Variants in GATD1 observed in about 807,000 individuals in gnomAD.
The protein encoded by GATD1 is glutamine amidotransferase-like class 1 domain-containing protein 1.
GATD1 carries 23 observed loss-of-function variants against 25.9 expected under a neutral mutation model. That is an observed-to-expected ratio of 0.89 (90% CI 0.64 to 1.26). The LOEUF is 1.26. Among genes scored for constraint, GATD1 ranks in the 50% most tolerant of loss-of-function variants. The pLI is 0.00. For synonymous variants in GATD1, 177 were observed against 134.6 expected (o/e 1.31, Z -2.18); for missense variants, 347 against 312.5 (o/e 1.11, Z -0.83).
chr11:771,067 G>A lies in GATD1; in HGVS notation c.582C>T (p.Arg194=), dbSNP rs1463828005. 1.2e-6 allele frequency: 2 copies of A among 1,611,154 alleles called. No homozygotes were observed. Among genetic ancestry groups the A allele is most frequent in the African/African-American group, 2.7e-5 (2 of 75,038 alleles). Reference sequence around the variant, plus strand: ...TGGCATTCTGGCCTGTGACCAGGTGGCGGTCCAGCACGACGTGGACAGCGT... The same window carrying A: ...TGGCATTCTGGCCTGTGACCAGGTGACGGTCCAGCACGACGTGGACAGCGT... ...EPDAVHVVLD[R]HLVTGQNASS... is the part of the protein sequence containing the mutation. The change falls in exon 7 of 8, where the codon CGC becomes CGT. Residue 194 remains arginine (R), a synonymous_variant. Transcript: ENST00000319863.
At chr11:774,516 A>G (rs1279381534) in intron 2 of GATD1, among the ~76,000 whole-genome samples, 1 of 152,232 alleles carries the variant, frequency 6.6e-6, no homozygotes, top group Non-Finnish European at 1.5e-5. Flanking sequence ...ACACGTGCAG[A>G]AGCACAGACC....
At position 769,328 on chromosome 11, in the gene GATD1, TTTTTTA is replaced by T. The variant is rs548178964; in HGVS notation, c.*1563_*1568del. ...CTTATTGAACGGCTTTATTTTATTA[TTTTTTA>T]TTTTTGAGACGGAGTTTCACTCATT... On this transcript the variant is annotated 3_prime_UTR_variant, in exon 8 of 8. Coordinates refer to ENST00000319863, the MANE Select transcript of GATD1 (RefSeq NM_182612.4). 708 of 979,240 alleles carry T rather than the reference TTTTTTA, an allele frequency of 7.2e-4. 4 individuals carry two copies. The African/African-American group carries it at 9.7e-3, about 13-fold the overall frequency. 60.7% of individuals were successfully genotyped at this position (979,240 alleles called of 1,614,324 possible). A position where few individuals can be genotyped will look rare whatever the true frequency, so the allele number is the denominator to read the frequency against.
rs1243837622 is a variant in GATD1 at position 768,039 on chromosome 11, C to CG, written c.*2857dup. Reference sequence around the variant, plus strand: ...CTAATTTCTGTATTTTTAGTAGAGACGGGGTTTCACCATCTTGGCCAGGCT... The same window carrying CG: ...CTAATTTCTGTATTTTTAGTAGAGACGGGGGTTTCACCATCTTGGCCAGGCT... On this transcript the variant is annotated 3_prime_UTR_variant, in exon 8 of 8. Coordinates refer to ENST00000319863, the MANE Select transcript of GATD1 (RefSeq NM_182612.4). 2 of 151,194 alleles carry CG rather than the reference C, an allele frequency of 1.3e-5. No individual in the cohort carries two copies. Among genetic ancestry groups the CG allele is most frequent in the African/African-American group, 4.9e-5 (2 of 41,202 alleles). The allele number at this position is 151,194 out of a possible 1,614,324, so 9.4% of individuals were successfully genotyped here.
rs1564997248 is a variant in GATD1, at chr11:767,263, AAC to A, written c.*3632_*3633del. 2 of 1,536,156 alleles carry A rather than the reference AAC, an allele frequency of 1.3e-6. No individual in the cohort carries two copies. The highest frequency in any genetic ancestry group is 1.7e-6 in the Non-Finnish European group (2 of 1,146,896). On this transcript the variant is annotated 3_prime_UTR_variant, in exon 8 of 8. Coordinates refer to ENST00000319863, the MANE Select transcript of GATD1 (RefSeq NM_182612.4). ...TGGTTTTATTCCTCATGGGTAGATG[AAC>A]ACACACTGGTATATGGGGAAATCCT... is the stretch of plus-strand genomic sequence containing the variant.
intron 1 of GATD1, among the ~76,000 whole-genome samples, chr11:775,920 T>C (rs1461463856): frequency 6.7e-6 from 1 of 149,100 alleles, no homozygotes; most frequent in Non-Finnish European, 1.5e-5. Flanking sequence ...GCTGTATCTC[T>C]CTACATTTAT....
rs1021867660 is a variant in GATD1 at position 770,784 on chromosome 11, G to A, written c.*113C>T. 3.9e-6 allele frequency: 6 copies of A among 1,528,772 alleles called. No individual in the cohort carries two copies. In the African/African-American group the frequency reaches 8.3e-5, roughly 21 times the overall value. The allele number at this position is 1,528,772 out of a possible 1,614,324, so 94.7% of individuals were successfully genotyped here. A position where few individuals can be genotyped will look rare whatever the true frequency, so the allele number is the denominator to read the frequency against. On this transcript the variant is annotated 3_prime_UTR_variant, in exon 8 of 8. Coordinates refer to ENST00000319863, the MANE Select transcript of GATD1 (RefSeq NM_182612.4). ...AACAATCCCATCAGGGCCAGACCAG[G>A]CTGCCATCCAGGGCCCTTGTCAGGA...
In GATD1 at chr11:770,405, A is replaced by C. The variant is rs1157390579; in HGVS notation, c.*492T>G. ...GGGCAGGAGGCTGCTGCTCCTAAAAAATTCCGTTCACCTTTGGCCAAAGTT... is the reference window on the plus strand; with the variant it reads ...GGGCAGGAGGCTGCTGCTCCTAAAACATTCCGTTCACCTTTGGCCAAAGTT... On this transcript the variant is annotated 3_prime_UTR_variant, in exon 8 of 8. Transcript: ENST00000319863. 1.3e-6 allele frequency: 2 copies of C among 1,521,374 alleles called. No individual in the cohort carries two copies. Among genetic ancestry groups the C allele is most frequent in the Admixed American group, 4.2e-5 (2 of 47,118 alleles). The allele number at this position is 1,521,374 out of a possible 1,614,324, so 94.2% of individuals were successfully genotyped here.
rs1863256357 is a variant in GATD1, at chr11:769,608, C to G, written c.*1289G>C. 6.6e-6 allele frequency: 1 copy of G among 152,322 alleles called. No homozygotes were observed. Among genetic ancestry groups the G allele is most frequent in the African/African-American group, 2.4e-5 (1 of 40,872 alleles). 9.4% of individuals were successfully genotyped at this position (152,322 alleles called of 1,614,324 possible). A position where few individuals can be genotyped will look rare whatever the true frequency, so the allele number is the denominator to read the frequency against. On this transcript the variant is annotated 3_prime_UTR_variant, in exon 8 of 8. Transcript: ENST00000319863. ...ACAGGCGTGAGCCACCGCGCCCAGC[C>G]AACTGAACGTTTTTTTTTTGAGATG...
At chr11:776,280 C>T (rs770401039) in intron 1 of GATD1, among the ~76,000 whole-genome samples, 49 of 152,188 alleles carry the variant, frequency 3.2e-4, no homozygotes, top group Non-Finnish European at 5.1e-4. Context: ...TGCGCCCAGA[C>T]TCTTCATTCT....
At chr11:775,230 G>T in intron 1 of GATD1, 88 bp from the exon 2 acceptor site, 1 of 1,111,700 alleles carries the variant, frequency 9.0e-7, no homozygotes, top group Non-Finnish European at 1.3e-6. Flanking sequence ...GGCCTCGACT[G>T]ACCCCAGAAC....
rs1265406155 is a variant in GATD1, at chr11:777,455, G to A, written c.8C>T (p.Ser3Phe). Residue 3 changes from serine to phenylalanine, a missense_variant, in exon 1 of 8, where the codon TCC becomes TTC. By Grantham distance (155) the Ser-to-Phe change is radical. Transcript: ENST00000319863. ...GGCGGGCCTGTTAGGGAGCCGCTCGGACGCCATGGCTCGGGCTCGGCGCTG... is the reference window on the plus strand; with the variant it reads ...GGCGGGCCTGTTAGGGAGCCGCTCGAACGCCATGGCTCGGGCTCGGCGCTG... Reference protein sequence around the residue: MASERLPNRPACL... With the variant: MAFERLPNRPACL... 4 of 1,245,084 alleles carry A rather than the reference G, an allele frequency of 3.2e-6. No individual in the cohort carries two copies. The highest frequency in any genetic ancestry group is 4.0e-6 in the Non-Finnish European group (4 of 993,030). 77.1% of individuals were successfully genotyped at this position (1,245,084 alleles called of 1,614,324 possible).
chr11:775,976 C>CTTTTTTG (rs1863925113), intron 1 of GATD1, among the ~76,000 whole-genome samples: 1 of 72,278 alleles, frequency 1.4e-5, no homozygotes, highest in Non-Finnish European at 2.4e-5. Context: ...TATCTTCATT[C>CTTTTTTG]TTTTTTTTTT....
At chr11:773,334 G>A (rs945710763) in intron 4 of GATD1, 188 bp downstream of exon 4, 286 of 571,712 alleles carry the variant, frequency 5.0e-4, no homozygotes, top group South Asian at 5.2e-4. Flanking sequence ...ACCAGGAGAC[G>A]ACAAAGTCTG....
intron 3 of GATD1, 117 bp from the exon 4 acceptor site, chr11:773,746 T>A: frequency 1.3e-6 from 1 of 776,854 alleles, no homozygotes; most frequent in Non-Finnish European, 2.1e-6. Context: ...AGCCTGGTGA[T>A]GTCATCTGTC....
chr11:771,741 G>A (rs978722241), intron 5 of GATD1, among the ~76,000 whole-genome samples: 3 of 152,158 alleles, frequency 2.0e-5, no homozygotes, highest in South Asian at 2.1e-4. Context: ...GTGCTGGGGC[G>A]GGGCACCCTC....
chr11:776,676 C>T (rs1211228676), intron 1 of GATD1: 1 of 152,424 alleles, frequency 6.6e-6, no homozygotes, highest in Non-Finnish European at 1.5e-5. Flanking sequence ...ACCCCGGCCC[C>T]CACCTCTCCG....
chr11:776,343 A>G (rs758929666), intron 1 of GATD1, among the ~76,000 whole-genome samples: 1 of 152,164 alleles, frequency 6.6e-6, no homozygotes, highest in Non-Finnish European at 1.5e-5. Context: ...GAGGAAAAAC[A>G]AAGTGCCCAG....
Position 769,109 on chromosome 11 carries a change from A to AAAT in GATD1, c.*1785_*1787dup. The AAAT allele has an allele frequency of 1.0e-6, 1 of 982,616 alleles. No individual in the cohort carries two copies. The highest frequency in any genetic ancestry group is 1.2e-6 in the Non-Finnish European group (1 of 828,068). 60.9% of individuals were successfully genotyped at this position (982,616 alleles called of 1,614,324 possible). The stretch of plus-strand genomic sequence containing the variant: ...AGAGACAAACTCCATCTCAAAAAAT[A>AAAT]AATAAAATAAAAAGCATTTGTCCAC... On this transcript the variant is annotated 3_prime_UTR_variant, in exon 8 of 8. Transcript: ENST00000319863.
intron 1 of GATD1, chr11:777,175 G>C (rs1864078074): frequency 7.4e-6 from 2 of 269,328 alleles, no homozygotes; most frequent in South Asian, 1.8e-4. Context: ...CCCGCCCCGA[G>C]CTCCATCCCA....
Sources: allele counts gnomAD v4.1 joint callset (sites outside exome capture counted in the v4.1 genomes callset), GRCh38; gene constraint gnomAD v4.1.1; transcripts MANE v1.5; gene names NCBI Gene and HGNC (gene_info 2026-07-23, HGNC 2026-07-21).